The following HDAC9 variants were observed in gnomAD, a reference collection of about 807,000 sequenced individuals.
HDAC9 encodes the protein histone deacetylase 9, also known as MEF-2 interacting transcription repressor (MITR) protein.
A neutral mutation model predicts 139.4 loss-of-function variants in HDAC9; 41 were observed. That is an observed-to-expected ratio of 0.29 (90% CI 0.23 to 0.38). The LOEUF is 0.38. HDAC9 is among the 10% of genes least tolerant of loss of function. The pLI is 1.00. For synonymous variants in HDAC9, 517 were observed against 476.2 expected (o/e 1.09, Z -1.12); for missense variants, 1,147 against 1,297.0 (o/e 0.88, Z 1.78).
At chr7:18,734,690 T>A (rs1391500198) in intron 13 of HDAC9, among the ~76,000 whole-genome samples, 1 of 152,248 alleles carries the variant, frequency 6.6e-6, no homozygotes, top group African/African-American at 2.4e-5. Flanking sequence ...AGTGCTACAA[T>A]AAACATACAT....
chr7:18,547,358 C>A (rs1044645083), intron 2 of HDAC9, among the ~76,000 whole-genome samples: 3 of 152,164 alleles, frequency 2.0e-5, no homozygotes, highest in African/African-American at 4.8e-5. Flanking sequence ...GCCTCAGCCT[C>A]CCGAGTAGCT....
intron 1 of HDAC9, among the ~76,000 whole-genome samples, chr7:18,368,564 A>G (rs943921343): frequency 1.3e-5 from 2 of 152,010 alleles, no homozygotes; most frequent in Non-Finnish European, 2.9e-5. Context: ...TCTGGGAAAA[A>G]AAACCCCCAA....
intron 12 of HDAC9, among the ~76,000 whole-genome samples, chr7:18,710,224 C>T (rs1039419382): frequency 6.6e-6 from 1 of 152,178 alleles, no homozygotes; most frequent in African/African-American, 2.4e-5. Context: ...CCCCAAGTCC[C>T]ACCCATGACA....
chr7:18,736,036 G>T (rs1028751704), intron 13 of HDAC9, among the ~76,000 whole-genome samples: 2 of 152,110 alleles, frequency 1.3e-5, no homozygotes, highest in Admixed American at 1.3e-4. Flanking sequence ...CTCTCTGTTT[G>T]TCTGTTATTG....
chr7:18,880,584 C>A (rs2129254539), intron 22 of HDAC9, among the ~76,000 whole-genome samples: 1 of 152,126 alleles, frequency 6.6e-6, no homozygotes. Flanking sequence ...TTCTCACTTT[C>A]AATTGGGAGC....
intron 1 of HDAC9, among the ~76,000 whole-genome samples, chr7:18,419,755 G>T (rs1448157568): frequency 1.3e-5 from 2 of 151,808 alleles, no homozygotes; most frequent in South Asian, 2.1e-4. Flanking sequence ...CTTTTCTTTT[G>T]CTTAAGATCT....
chr7:18,891,046 C>G (rs1300849793), intron 22 of HDAC9, among the ~76,000 whole-genome samples: 2 of 152,194 alleles, frequency 1.3e-5, no homozygotes, highest in Non-Finnish European at 2.9e-5. Flanking sequence ...CCAGCTGTCT[C>G]ATTTAGAATT....
At chr7:18,793,241 C>A in intron 16 of HDAC9, 104 bp from the exon 17 acceptor site, 2 of 757,376 alleles carry the variant, frequency 2.6e-6, no homozygotes, top group Admixed American at 2.0e-5. Flanking sequence ...CTTTCTCTCT[C>A]TGTCCCTCTT....
At chr7:18,157,468 A>G (rs1254079914) in intron 1 of HDAC9, among the ~76,000 whole-genome samples, 3 of 152,210 alleles carry the variant, frequency 2.0e-5, no homozygotes. Context: ...ATTTATTTAT[A>G]CATTCCCTGG....
At chr7:18,282,079 TA>T (rs1244536145) in intron 2 of HDAC9, among the ~76,000 whole-genome samples, 4 of 152,108 alleles carry the variant, frequency 2.6e-5, no homozygotes, top group Non-Finnish European at 4.4e-5. Context: ...GCAGCTACTG[TA>T]AGAAATATTG....
At chr7:18,675,996 T>G (rs533026222) in intron 12 of HDAC9, among the ~76,000 whole-genome samples, 1 of 152,192 alleles carries the variant, frequency 6.6e-6, no homozygotes, top group South Asian at 2.1e-4. Context: ...AACATGATCA[T>G]TGTTCCGAAG....
chr7:18,943,655 T>C (rs1190195116), intron 23 of HDAC9, among the ~76,000 whole-genome samples: 1 of 152,092 alleles, frequency 6.6e-6, no homozygotes, highest in Non-Finnish European at 1.5e-5. Flanking sequence ...ACTCAGTTAA[T>C]AGAACAATAA....
intron 2 of HDAC9, among the ~76,000 whole-genome samples, chr7:18,183,288 C>T (rs943521614): frequency 2.6e-5 from 4 of 152,152 alleles, no homozygotes; most frequent in Non-Finnish European, 4.4e-5. Flanking sequence ...GGATTACAGG[C>T]GTGAGCCACG....
intron 2 of HDAC9, among the ~76,000 whole-genome samples, chr7:18,521,489 C>A (rs1563135008): frequency 1.3e-5 from 2 of 152,122 alleles, no homozygotes; most frequent in Admixed American, 6.6e-5. Context: ...ATTTGATTTG[C>A]ACACCATGAA....
intron 13 of HDAC9, among the ~76,000 whole-genome samples, chr7:18,736,998 C>G (rs1191847930): frequency 1.3e-5 from 2 of 152,268 alleles, no homozygotes; most frequent in Admixed American, 1.3e-4. Context: ...TCCATTTCTT[C>G]TAGATTTTCT....
At chr7:18,302,061 A>ACAG (rs1221307592) in intron 1 of HDAC9, among the ~76,000 whole-genome samples, 1 of 152,236 alleles carries the variant, frequency 6.6e-6, no homozygotes, top group African/African-American at 2.4e-5. Flanking sequence ...GGTGTTAAGA[A>ACAG]CAGCAGCCTT....
chr7:18,534,436 A>G (rs1810171734), intron 2 of HDAC9, among the ~76,000 whole-genome samples: 1 of 152,086 alleles, frequency 6.6e-6, no homozygotes, highest in Non-Finnish European at 1.5e-5. Flanking sequence ...AGTTCCTGCT[A>G]CTTTGGAGGC....
intron 2 of HDAC9, among the ~76,000 whole-genome samples, chr7:18,276,228 T>A (rs1796708623): frequency 6.6e-6 from 1 of 152,184 alleles, no homozygotes; most frequent in African/African-American, 2.4e-5. Flanking sequence ...AAACTAGGAA[T>A]GGAATTAATG....
At chr7:18,211,914 A>T (rs745870347) in intron 2 of HDAC9, among the ~76,000 whole-genome samples, 15 of 152,184 alleles carry the variant, frequency 9.9e-5, no homozygotes, top group Non-Finnish European at 2.2e-4. Context: ...AGTTTGAGGG[A>T]CAAATGGCCG....
Sources: gnomAD v4.1 joint callset for allele counts (sites outside exome capture counted in the v4.1 genomes callset) on GRCh38, gnomAD v4.1.1 for gene constraint, MANE v1.5 for transcripts, NCBI Gene and HGNC (gene_info 2026-07-23, HGNC 2026-07-21) for gene names.